Variants in ANKS1A observed in about 807,000 individuals in gnomAD.
ANKS1A encodes ankyrin repeat and SAM domain-containing protein 1A.
Under a neutral mutation model 120.3 loss-of-function variants are expected in ANKS1A, and 55 were observed. The ratio of observed to expected loss-of-function variants is 0.46; its 90% CI spans 0.37 to 0.57. The LOEUF (loss-of-function observed/expected upper bound fraction) is 0.57. Among genes scored for constraint, ANKS1A ranks in the 20% least tolerant of loss-of-function variants. ANKS1A has a pLI of 0.00. For synonymous variants in ANKS1A, 590 were observed against 604.7 expected (o/e 0.98, Z 0.36); for missense variants, 1,123 against 1,480.3 (o/e 0.76, Z 3.96).
rs747796822 is a variant in ANKS1A at position 34,985,070 on chromosome 6, T to C, written c.1013-12T>C. On this transcript the variant is annotated splice_polypyrimidine_tract_variant and intron_variant, in intron 7 of 23. Coordinates refer to ENST00000360359, the MANE Select transcript of ANKS1A (RefSeq NM_015245.3). Reference sequence around the variant, plus strand: ...CCTTCAGTGACTCTCTTGCCCTCCATCCTCCTCTCAGGTGACGTGGAGAAA... The same window carrying C: ...CCTTCAGTGACTCTCTTGCCCTCCACCCTCCTCTCAGGTGACGTGGAGAAA... The C allele has an allele frequency of 5.6e-6, 9 of 1,608,798 alleles. No homozygotes were observed. Among genetic ancestry groups the C allele is most frequent in the Admixed American group, 3.3e-5 (2 of 59,804 alleles).
intron 1 of ANKS1A, among the ~76,000 whole-genome samples, chr6:34,945,754 A>G (rs1348194342): frequency 2.0e-5 from 3 of 152,176 alleles, no homozygotes; most frequent in Non-Finnish European, 4.4e-5. Context: ...ATATAGACCT[A>G]TTCAGATAAT....
intron 1 of ANKS1A, among the ~76,000 whole-genome samples, chr6:34,917,929 AC>A (rs1308035821): frequency 1.3e-5 from 2 of 152,106 alleles, no homozygotes; most frequent in African/African-American, 2.4e-5. Context: ...CCCTCCTTTC[AC>A]CTGGTAGTAT....
chr6:34,889,624 G>A lies in ANKS1A; in HGVS notation c.197+25G>A. 3 of 1,279,814 alleles carry A rather than the reference G, an allele frequency of 2.3e-6. No homozygotes were observed. The highest frequency in any genetic ancestry group is 2.0e-6 in the Non-Finnish European group (2 of 1,017,828). 79.3% of individuals were successfully genotyped at this position (1,279,814 alleles called of 1,614,324 possible). On this transcript the variant is annotated intron_variant, in intron 1 of 23. Coordinates refer to ENST00000360359, the MANE Select transcript of ANKS1A (RefSeq NM_015245.3). This position sits in a 1 kb window ranked among gnomAD's most constrained non-coding sequence, Gnocchi z 5.5. ...GGTGGGTACGCGCCAGGGCCGGGCC[G>A]CTGCCTGCAGACCCTTTCTCCCCCA...
chr6:35,043,507 G>A (rs1775568347), intron 11 of ANKS1A, among the ~76,000 whole-genome samples: 1 of 152,158 alleles, frequency 6.6e-6, no homozygotes, highest in Non-Finnish European at 1.5e-5. Flanking sequence ...TGATGGTGAA[G>A]GTGGTTTGAG....
chr6:35,086,076 C>A lies in ANKS1A; in HGVS notation c.3303+140C>A. ...GGAAATGACCCTCTTAATTGTCCCC[C>A]AACCCTGCCAGGTCTCGCCCCTGGA... On this transcript the variant is annotated intron_variant, in intron 22 of 23. Coordinates refer to ENST00000360359, the MANE Select transcript of ANKS1A (RefSeq NM_015245.3). This position sits in a 1 kb window ranked among gnomAD's most constrained non-coding sequence, Gnocchi z 5.1. The A allele has an allele frequency of 7.6e-7, 1 of 1,317,588 alleles. No homozygotes were observed. Among genetic ancestry groups the A allele is most frequent in the Non-Finnish European group, 1.0e-6 (1 of 989,030 alleles). 81.6% of individuals were successfully genotyped at this position (1,317,588 alleles called of 1,614,324 possible). A position where few individuals can be genotyped will look rare whatever the true frequency, so the allele number is the denominator to read the frequency against.
chr6:35,021,708 G>A (rs1022237292), intron 11 of ANKS1A, among the ~76,000 whole-genome samples: 2 of 152,122 alleles, frequency 1.3e-5, no homozygotes. Context: ...AGCTCAGGCC[G>A]GGTGCGGTGG....
rs748478856 is a variant in ANKS1A at position 35,085,930 on chromosome 6, A to G, written c.3297A>G (p.Lys1099=). The part of the protein sequence containing the change: ...PVPKPRVGVR[K]SALEPPDMDQ... ...CTAAGCCTCGGGTCGGCGTGAGGAA[A>G]TCCGCAGTACGTGGGCCCCACTGGC... Residue 1099 remains lysine, a synonymous_variant, in exon 22 of 24, where the codon AAA becomes AAG. Coordinates refer to ENST00000360359, the MANE Select transcript of ANKS1A (RefSeq NM_015245.3). This position sits in a 1 kb window ranked among gnomAD's most constrained non-coding sequence, Gnocchi z 4.7. The G allele has an allele frequency of 6.9e-6, 11 of 1,604,340 alleles. No homozygotes were observed. Among genetic ancestry groups the G allele is most frequent in the Admixed American group, 1.7e-5 (1 of 59,362 alleles).
In ANKS1A at chr6:35,035,923, T is replaced by A. The variant is rs192029001; in HGVS notation, c.2010+17864T>A. Reference sequence around the variant, plus strand: ...GCTGCCCCACCTCTCTCCGCTTGCCTCCTGCTTTACATTCAGAGCAGGAAA... The same window carrying A: ...GCTGCCCCACCTCTCTCCGCTTGCCACCTGCTTTACATTCAGAGCAGGAAA... On this transcript the variant is annotated intron_variant, in intron 11 of 23. Transcript: ENST00000360359. Among the ~76,000 whole-genome samples, 396 of 152,320 alleles carry A rather than the reference T, an allele frequency of 2.6e-3. 1 individual carries two copies. Among genetic ancestry groups the A allele is most frequent in the African/African-American group, 8.0e-3 (334 of 41,562 alleles).
intron 23 of ANKS1A, among the ~76,000 whole-genome samples, chr6:35,087,381 C>T (rs1778052983): frequency 6.6e-6 from 1 of 152,188 alleles, no homozygotes; most frequent in Admixed American, 6.5e-5. Context: ...CACTGTGAAC[C>T]CCGACGGGCA....
intron 1 of ANKS1A, among the ~76,000 whole-genome samples, chr6:34,944,700 C>T (rs984729880): frequency 6.6e-6 from 1 of 152,058 alleles, no homozygotes; most frequent in Non-Finnish European, 1.5e-5. Flanking sequence ...GAAATGGTGG[C>T]CCTCTGAATA....
At chr6:35,056,510 G>T (rs558356416) in intron 12 of ANKS1A, among the ~76,000 whole-genome samples, 2 of 152,082 alleles carry the variant, frequency 1.3e-5, no homozygotes, top group African/African-American at 4.8e-5. Context: ...GGATGGTCTC[G>T]ATCTCCTGAC....
chr6:34,948,755 AG>A (rs1769925214), intron 1 of ANKS1A, among the ~76,000 whole-genome samples: 1 of 152,206 alleles, frequency 6.6e-6, no homozygotes, highest in African/African-American at 2.4e-5. Context: ...AGCTGTGAAA[AG>A]TAAACAAAAC....
chr6:35,051,406 C>G (rs758778498), intron 11 of ANKS1A, among the ~76,000 whole-genome samples: 1 of 152,110 alleles, frequency 6.6e-6, no homozygotes, highest in Non-Finnish European at 1.5e-5. Context: ...GCTGGGGCTT[C>G]GGATGTTAAG....
intron 13 of ANKS1A, among the ~76,000 whole-genome samples, chr6:35,076,975 G>C (rs771654412): frequency 1.3e-5 from 2 of 152,120 alleles, no homozygotes; most frequent in Non-Finnish European, 2.9e-5. Flanking sequence ...CCAGCGTGGA[G>C]TAGGGAGGGA....
intron 10 of ANKS1A, among the ~76,000 whole-genome samples, chr6:34,998,923 C>T (rs982051673): frequency 4.6e-5 from 7 of 152,204 alleles, no homozygotes; most frequent in African/African-American, 1.4e-4. Context: ...TGTGGAACAT[C>T]CCTGCGGGGG....
At chr6:35,003,521 A>T (rs1773275806) in intron 10 of ANKS1A, among the ~76,000 whole-genome samples, 2 of 152,350 alleles carry the variant, frequency 1.3e-5, no homozygotes, top group Non-Finnish European at 1.5e-5. Flanking sequence ...ATGTGCCCGT[A>T]CAAGTGTAGC....
chr6:34,993,129 G>A (rs1772665420), intron 9 of ANKS1A, among the ~76,000 whole-genome samples: 1 of 152,192 alleles, frequency 6.6e-6, no homozygotes, highest in Non-Finnish European at 1.5e-5. Flanking sequence ...GAGATCTTGA[G>A]CCTTGGTTTG....
chr6:34,970,632 G>A (rs971645509), intron 3 of ANKS1A, among the ~76,000 whole-genome samples: 3 of 152,184 alleles, frequency 2.0e-5, no homozygotes, highest in Admixed American at 6.5e-5. Context: ...CACTTTATGT[G>A]CAAAATTTGA....
rs1348670738 is a variant in ANKS1A, at chr6:34,949,601, C to T, written c.198-17638C>T. 2.0e-5 allele frequency among the ~76,000 whole-genome samples: 3 copies of T among 152,124 alleles called. No individual in the cohort carries two copies. In the East Asian group the frequency reaches 5.8e-4, roughly 29 times the overall value. On this transcript the variant is annotated intron_variant, in intron 1 of 23. Coordinates refer to ENST00000360359, the MANE Select transcript of ANKS1A (RefSeq NM_015245.3). ...GGAAGGGACAAATTTATGAGCTGTTCTAGGATATAAAATAAATATCTGGGA... is the reference window on the plus strand; with the variant it reads ...GGAAGGGACAAATTTATGAGCTGTTTTAGGATATAAAATAAATATCTGGGA...
Sources: gnomAD v4.1 joint callset for allele counts (sites outside exome capture counted in the v4.1 genomes callset) on GRCh38, gnomAD v4.1.1 for gene constraint, Gnocchi (gnomAD v3.1) non-coding constraint, MANE v1.5 for transcripts, NCBI Gene and HGNC (gene_info 2026-07-23, HGNC 2026-07-21) for gene names.